The following DGKK variants were observed in gnomAD, a reference collection of about 807,000 sequenced individuals.
DGKK encodes the protein diacylglycerol kinase kappa, also known as 142 kDa diacylglycerol kinase.
DGKK carries 35 observed loss-of-function variants against 92.2 expected under a neutral mutation model. The observed-to-expected ratio is 0.38, with a 90% CI of 0.29 to 0.50. DGKK has a LOEUF of 0.50. Among genes scored for constraint, DGKK ranks in the 20% least tolerant of loss-of-function variants. DGKK has a pLI of 0.92. For synonymous variants in DGKK, 368 were observed against 360.6 expected, an observed-to-expected ratio of 1.02 and a Z score of -0.23; for missense variants, 910 against 992.2, an observed-to-expected ratio of 0.92 and a Z score of 1.11.
intron 1 of DGKK, among the ~76,000 whole-genome samples, chrX:50,433,717 T>C (rs782677235): frequency 1.8e-5 from 2 of 111,455 alleles, no homozygotes; most frequent in East Asian, 2.8e-4. Context: ...TTTCTGACCA[T>C]TGGAGAGCCA....
At chrX:50,444,123 T>C (rs1430372176) in intron 1 of DGKK, among the ~76,000 whole-genome samples, 1 of 111,064 alleles carries the variant, frequency 9.0e-6, no homozygotes, top group African/African-American at 3.3e-5. Context: ...TATGAATATT[T>C]GTGTGTACAT....
At chrX:50,390,241 C>T in intron 12 of DGKK, 87 bp downstream of exon 12, 1 of 881,679 alleles carries the variant, frequency 1.1e-6, no homozygotes, top group Non-Finnish European at 1.7e-6. Context: ...CATCCATGCA[C>T]AATGCAAAAG....
At chrX:50,438,046 C>T (rs1209891216) in intron 1 of DGKK, among the ~76,000 whole-genome samples, 1 of 110,461 alleles carries the variant, frequency 9.1e-6, no homozygotes, top group African/African-American at 3.3e-5. Context: ...GCAAATTTGT[C>T]CTGTGGGGGA....
intron 20 of DGKK, 37 bp from the exon 21 acceptor site, chrX:50,378,728 G>A: frequency 2.9e-6 from 3 of 1,037,957 alleles, no homozygotes; most frequent in African/African-American, 1.8e-5. Flanking sequence ...TCCCACCCTT[G>A]AGAAATCACA....
intron 20 of DGKK, 47 bp downstream of exon 20, chrX:50,379,580 A>G: frequency 9.6e-7 from 1 of 1,037,379 alleles, no homozygotes; most frequent in Admixed American, 2.2e-5. Flanking sequence ...GAGAGACCTT[A>G]GTGGGATCAT....
intron 25 of DGKK, 64 bp downstream of exon 25, chrX:50,374,907 C>T: frequency 9.5e-7 from 1 of 1,052,397 alleles, no homozygotes; most frequent in Non-Finnish European, 1.3e-6. Flanking sequence ...GGACCAAGCA[C>T]AAGACCATGA....
At chrX:50,391,654 T>C in intron 10 of DGKK, 78 bp from the exon 11 acceptor site, 1 of 1,074,694 alleles carries the variant, frequency 9.3e-7, no homozygotes. Context: ...CAGAGGGTAC[T>C]CTTTGGGAAG....
chrX:50,430,775 G>A (rs1037523952), intron 1 of DGKK, among the ~76,000 whole-genome samples: 48 of 111,641 alleles, frequency 4.3e-4, no homozygotes, highest in Middle Eastern at 4.7e-3. Flanking sequence ...ATCTCTCTCT[G>A]GTGCTCTGTA....
chrX:50,401,481 T>C (rs1557226632), intron 7 of DGKK, among the ~76,000 whole-genome samples: 1 of 111,151 alleles, frequency 9.0e-6, no homozygotes, highest in Non-Finnish European at 1.9e-5. Flanking sequence ...ATAATAATAA[T>C]CTAATATTAC....
chrX:50,437,244 T>G (rs782454675), intron 1 of DGKK, among the ~76,000 whole-genome samples: 6 of 111,562 alleles, frequency 5.4e-5, no homozygotes, highest in Admixed American at 9.5e-5. Context: ...TTTTTCACAG[T>G]GTTTCACCTC....
intron 1 of DGKK, among the ~76,000 whole-genome samples, chrX:50,463,023 T>C (rs1207197592): frequency 9.7e-6 from 1 of 103,496 alleles, no homozygotes; most frequent in African/African-American, 3.5e-5. Context: ...TTGAAGAAGC[T>C]TGAGAAAGAG....
chrX:50,431,796 T>G, intron 1 of DGKK, among the ~76,000 whole-genome samples: 1 of 112,033 alleles, frequency 8.9e-6, no homozygotes, highest in East Asian at 2.8e-4. Flanking sequence ...CACTGAAAGC[T>G]TTACATTCCC....
chrX:50,448,853 A>G (rs1205320508), intron 1 of DGKK, among the ~76,000 whole-genome samples: 3 of 111,576 alleles, frequency 2.7e-5, no homozygotes, highest in African/African-American at 9.8e-5. Context: ...TCATTGCCCC[A>G]GAGGGACTGC....
chrX:50,444,796 T>C (rs1926251146), intron 1 of DGKK, among the ~76,000 whole-genome samples: 1 of 110,482 alleles, frequency 9.1e-6, no homozygotes, highest in Non-Finnish European at 1.9e-5. Flanking sequence ...TATATTCCTT[T>C]GGGTATATAC....
At chrX:50,375,091 G>C in intron 24 of DGKK, 34 bp from the exon 25 acceptor site, 1 of 1,096,371 alleles carries the variant, frequency 9.1e-7, no homozygotes, top group Non-Finnish European at 1.3e-6. Flanking sequence ...GAGAGAAAAA[G>C]ACAAAGACAG....
rs782275887 is a variant in DGKK at position 50,420,502 on chromosome X, A to G, written c.843T>C (p.Ile281=). 4 of 1,207,023 alleles carry G rather than the reference A, an allele frequency of 3.3e-6. No individual in the cohort carries two copies. The African/African-American group carries it at 5.3e-5, about 16-fold the overall frequency. The part of the protein sequence containing the change: ...CRNLCHSFCV[I]TPQRKITLAA... The stretch of plus-strand genomic sequence containing the variant: ...CCAGAGTGATTTTTCGTTGTGGTGT[A>G]ATAACCTAAACAAAAAGCCACATTA... Residue 281 remains isoleucine, a synonymous_variant, in exon 4 of 28, where the codon ATT becomes ATC. Coordinates refer to ENST00000611977, the MANE Select transcript of DGKK (RefSeq NM_001013742.4).
Position 50,384,729 on chromosome X carries a change from G to A in DGKK, c.2443C>T (p.Pro815Ser). Residue 815 changes from proline (P) to serine (S), a missense_variant, in exon 16 of 28, where the codon CCA becomes TCA. Physicochemically the swap from Pro to Ser is moderately conservative, Grantham distance 74. Coordinates refer to ENST00000611977, the MANE Select transcript of DGKK (RefSeq NM_001013742.4). ...DDPEDINQTS[P>S]RRRSRRGTLS... is the part of the protein sequence containing the mutation. The stretch of plus-strand genomic sequence containing the variant: ...ACAGAAAGATCCTTACGGCGTCGTG[G>A]GCTTGTCTGGTTAATATCTTCTGGG... 1 of 1,208,834 alleles carries A rather than the reference G, an allele frequency of 8.3e-7. No individual in the cohort carries two copies. The highest frequency in any genetic ancestry group is 1.1e-6 in the Non-Finnish European group (1 of 893,457).
intron 1 of DGKK, among the ~76,000 whole-genome samples, chrX:50,436,671 C>T (rs1557230799): frequency 9.0e-6 from 1 of 110,615 alleles, no homozygotes; most frequent in Non-Finnish European, 1.9e-5. Context: ...TGAAGATTCT[C>T]ACTTGATTCT....
rs140899557 is a variant in DGKK, at chrX:50,430,239, T to A, written c.646-5881A>T. ...TTCATAAGAAGGGACACACATGTAGTCCTCCTGGTCCAAGCTGCCACATTT... is the reference window on the plus strand; with the variant it reads ...TTCATAAGAAGGGACACACATGTAGACCTCCTGGTCCAAGCTGCCACATTT... On this transcript the variant is annotated intron_variant, in intron 1 of 27. Transcript: ENST00000611977. 3.6e-5 allele frequency among the ~76,000 whole-genome samples: 4 copies of A among 112,171 alleles called. No homozygotes were observed. The East Asian group carries it at 1.1e-3, about 32-fold the overall frequency.
Sources: allele counts gnomAD v4.1 joint callset (sites outside exome capture counted in the v4.1 genomes callset), GRCh38; gene constraint gnomAD v4.1.1; transcripts MANE v1.5; gene names NCBI Gene and HGNC (gene_info 2026-07-23, HGNC 2026-07-21).